RAB2A: variants seen among roughly 807,000 people sequenced by gnomAD.
RAB2A encodes the protein ras-related protein Rab-2A.
A neutral mutation model predicts 32.5 loss-of-function variants in RAB2A; 7 were observed. The observed-to-expected ratio is 0.22, with a 90% CI of 0.12 to 0.40. RAB2A has a LOEUF of 0.40. RAB2A is among the 10% of genes least tolerant of loss of function. The pLI is 1.00. For synonymous variants in RAB2A, 79 were observed against 85.2 expected (o/e 0.93, Z 0.40); for missense variants, 108 against 260.7 (o/e 0.41, Z 4.03).
chr8:60,595,671 T>C (rs1406954676), intron 6 of RAB2A, among the ~76,000 whole-genome samples: 1 of 152,090 alleles, frequency 6.6e-6, no homozygotes, highest in Non-Finnish European at 1.5e-5. Flanking sequence ...GAATCAGCCC[T>C]CCAGAAAGAT....
Position 60,551,399 on chromosome 8 carries a change from T to C in RAB2A, c.47-7453T>C, listed in dbSNP as rs147144657. ...AGTGTAAACAGACATAGTAATAGTG[T>C]TTTACTATTGATGGTAGCAACAAAC... On this transcript the variant is annotated intron_variant, in intron 1 of 7. Coordinates refer to ENST00000262646, the MANE Select transcript of RAB2A (RefSeq NM_002865.3). Among the ~76,000 whole-genome samples, 4 of 152,326 alleles carry C rather than the reference T, an allele frequency of 2.6e-5. No homozygotes were observed. The East Asian group carries it at 7.7e-4, about 29-fold the overall frequency.
chr8:60,572,092 A>T lies in RAB2A; in HGVS notation c.165A>T (p.Ile55=). The T allele has an allele frequency of 6.2e-7, 1 of 1,606,748 alleles. No individual in the cohort carries two copies. Among genetic ancestry groups the T allele is most frequent in the Non-Finnish European group, 8.5e-7 (1 of 1,174,724 alleles). ...ARMITIDGKQ[I]KLQIWDTAGQ... Reference sequence around the variant, plus strand: ...TGATAACTATTGATGGGAAACAGATAAAACTTCAGATATGGGATACGGTAA... The same window carrying T: ...TGATAACTATTGATGGGAAACAGATTAAACTTCAGATATGGGATACGGTAA... The change falls in exon 3 of 8, where the codon ATA becomes ATT. Residue 55 remains isoleucine, a synonymous_variant. Coordinates refer to ENST00000262646, the MANE Select transcript of RAB2A (RefSeq NM_002865.3).
At chr8:60,539,861 C>G (rs1363041489) in intron 1 of RAB2A, among the ~76,000 whole-genome samples, 1 of 152,004 alleles carries the variant, frequency 6.6e-6, no homozygotes, top group Admixed American at 6.6e-5. Context: ...TAGTTGTCTG[C>G]TAAGTTCCAC....
chr8:60,566,170 T>G (rs1204912951), intron 2 of RAB2A, among the ~76,000 whole-genome samples: 1 of 152,228 alleles, frequency 6.6e-6, no homozygotes. Flanking sequence ...TAGTGCCTTC[T>G]AAAGCTTTTA....
chr8:60,532,232 C>A (rs1807487969), intron 1 of RAB2A, among the ~76,000 whole-genome samples: 1 of 152,142 alleles, frequency 6.6e-6, no homozygotes, highest in Non-Finnish European at 1.5e-5. Flanking sequence ...ATAAATAAAT[C>A]TGTTAGTCAG....
At chr8:60,527,195 T>C (rs1054901388) in intron 1 of RAB2A, among the ~76,000 whole-genome samples, 5 of 151,920 alleles carry the variant, frequency 3.3e-5, no homozygotes, top group Non-Finnish European at 5.9e-5. Flanking sequence ...CAACCAGATC[T>C]CGTGAGAACT....
intron 6 of RAB2A, among the ~76,000 whole-genome samples, chr8:60,602,045 A>AT (rs796147981): frequency 0.025 from 3,642 of 145,012 alleles, 109 homozygotes; most frequent in African/African-American, 0.08. Flanking sequence ...TGCCCAGCTA[A>AT]TTTTTTTTTT....
At chr8:60,615,572 A>G (rs1804435736) in intron 6 of RAB2A, among the ~76,000 whole-genome samples, 1 of 152,218 alleles carries the variant, frequency 6.6e-6, no homozygotes, top group South Asian at 2.1e-4. Flanking sequence ...TGTGTTATAT[A>G]CATACATATT....
intron 1 of RAB2A, among the ~76,000 whole-genome samples, chr8:60,547,979 C>T (rs1443960162): frequency 6.2e-5 from 3 of 48,230 alleles, no homozygotes; most frequent in African/African-American, 1.0e-4. Context: ...CCTCACTTCC[C>T]GGACGGGGCG....
At chr8:60,614,742 T>G (rs908657358) in intron 6 of RAB2A, among the ~76,000 whole-genome samples, 1 of 152,174 alleles carries the variant, frequency 6.6e-6, no homozygotes, top group Non-Finnish European at 1.5e-5. Context: ...TCATTCAGAT[T>G]AACTGCTGCC....
At chr8:60,529,697 C>T (rs987131375) in intron 1 of RAB2A, among the ~76,000 whole-genome samples, 2 of 152,132 alleles carry the variant, frequency 1.3e-5, no homozygotes, top group African/African-American at 4.8e-5. Flanking sequence ...ACATTTCATT[C>T]TATTTTATTG....
At chr8:60,579,519 C>G (rs1376584113) in intron 3 of RAB2A, among the ~76,000 whole-genome samples, 1 of 152,160 alleles carries the variant, frequency 6.6e-6, no homozygotes, top group Non-Finnish European at 1.5e-5. Flanking sequence ...GAATCTCTTA[C>G]TATTAAATAC....
intron 3 of RAB2A, among the ~76,000 whole-genome samples, chr8:60,575,133 C>T (rs1808253108): frequency 7.6e-6 from 1 of 132,072 alleles, no homozygotes; most frequent in Non-Finnish European, 1.5e-5. Flanking sequence ...GCGTCTTACT[C>T]TGTCGCCCAG....
At chr8:60,608,483 C>T (rs1038532900) in intron 6 of RAB2A, among the ~76,000 whole-genome samples, 18 of 132,988 alleles carry the variant, frequency 1.4e-4, no homozygotes, top group African/African-American at 5.9e-4. Context: ...CTCCCTCTCC[C>T]TCTTCCTCTC....
intron 3 of RAB2A, among the ~76,000 whole-genome samples, chr8:60,579,115 T>G (rs1586094299): frequency 6.6e-6 from 1 of 152,312 alleles, no homozygotes; most frequent in East Asian, 1.9e-4. Flanking sequence ...CAATCTCAGC[T>G]CACTGCAGCC....
At chr8:60,591,058 A>G (rs1389594712) in intron 5 of RAB2A, among the ~76,000 whole-genome samples, 1 of 152,010 alleles carries the variant, frequency 6.6e-6, no homozygotes, top group Admixed American at 6.6e-5. Flanking sequence ...GTATGTGGAC[A>G]TTATATTATA....
intron 6 of RAB2A, among the ~76,000 whole-genome samples, chr8:60,605,718 T>G (rs933880224): frequency 6.6e-6 from 1 of 151,998 alleles, no homozygotes; most frequent in Non-Finnish European, 1.5e-5. Flanking sequence ...CCCTTTCTTT[T>G]GGCCAATTTT....
intron 7 of RAB2A, chr8:60,619,004 A>G (rs1804490781): frequency 6.6e-6 from 1 of 152,274 alleles, no homozygotes; most frequent in Non-Finnish European, 1.5e-5. Flanking sequence ...TTTGGGAATA[A>G]TGTTCTGGTA....
intron 3 of RAB2A, among the ~76,000 whole-genome samples, chr8:60,580,733 G>A: frequency 6.6e-6 from 1 of 152,190 alleles, no homozygotes; most frequent in South Asian, 2.1e-4. Flanking sequence ...TTGCAAAACA[G>A]TTCAGAAGGA....
Sources: gnomAD v4.1 joint callset for allele counts (sites outside exome capture counted in the v4.1 genomes callset) on GRCh38, gnomAD v4.1.1 for gene constraint, MANE v1.5 for transcripts, NCBI Gene and HGNC (gene_info 2026-07-23, HGNC 2026-07-21) for gene names.